The following GPSM3 variants were observed in gnomAD, a reference collection of about 807,000 sequenced individuals.
The protein encoded by GPSM3 is G protein-signaling modulator 3.
Under a neutral mutation model 20.4 loss-of-function variants are expected in GPSM3, and 16 were observed. The observed-to-expected ratio is 0.78, with a 90% confidence interval of 0.53 to 1.19. The LOEUF (loss-of-function observed/expected upper bound fraction) is 1.19, where lower values mean the gene tolerates loss of function less well. Among genes scored for constraint, GPSM3 ranks in the 50% most tolerant of loss-of-function variants. GPSM3 has a pLI of 0.00. For synonymous variants in GPSM3, 70 were observed against 79.6 expected (o/e 0.88, Z 0.64); for missense variants, 177 against 204.6 (o/e 0.86, Z 0.82).
upstream of GPSM3, chr6:32,195,287 G>T: frequency 1.4e-6 from 1 of 715,512 alleles, no homozygotes; most frequent in Non-Finnish European, 2.2e-6. This position sits in a 1 kb window ranked among gnomAD's most constrained non-coding sequence, Gnocchi z 5.4. Context: ...CGTGGAAGAT[G>T]TCTGCTCTGG....
chr6:32,192,359 G>A lies in GPSM3; in HGVS notation c.43-109C>T. On this transcript the variant is annotated intron_variant, in intron 1 of 3. Transcript: ENST00000375040. The surrounding 1 kb of genome is among the most constrained non-coding windows in gnomAD (Gnocchi z 5.1). ...TTCCTCTCTGTGTGTCTCTGTTCCT[G>A]CCTCAGTTTGCCCAAGCCTTTCAAG... 1 of 1,367,796 alleles carries A rather than the reference G, an allele frequency of 7.3e-7. No homozygotes were observed. The highest frequency in any genetic ancestry group is 1.0e-6 in the Non-Finnish European group (1 of 991,368). The allele number at this position is 1,367,796 out of a possible 1,614,324, so 84.7% of individuals were successfully genotyped here.
At position 32,191,921 on chromosome 6, in the gene GPSM3, G is replaced by A; in HGVS notation, c.146-13C>T. 1 of 1,609,858 alleles carries A rather than the reference G, an allele frequency of 6.2e-7. No homozygotes were observed. Among genetic ancestry groups the A allele is most frequent in the Non-Finnish European group, 8.5e-7 (1 of 1,178,628 alleles). ...CGGGGTCCCAGGGCTGGGGAGAGGG[G>A]TGTGGAGGGCTCAGAGACCCAGAGA... On this transcript the variant is annotated splice_polypyrimidine_tract_variant and intron_variant, in intron 2 of 3. Coordinates refer to ENST00000375040, the MANE Select transcript of GPSM3 (RefSeq NM_001276501.2). The surrounding 1 kb of genome is among the most constrained non-coding windows in gnomAD (Gnocchi z 5.9).
chr6:32,192,924 G>C, upstream of GPSM3: 1 of 184,968 alleles, frequency 5.4e-6, no homozygotes, highest in Non-Finnish European at 1.1e-5. The surrounding 1 kb of genome is among the most constrained non-coding windows in gnomAD (Gnocchi z 5.1). Flanking sequence ...ACAGGAACTA[G>C]CTACACAGGA....
Position 32,192,225 on chromosome 6 carries a change from C to T in GPSM3, c.68G>A (p.Trp23Ter). The change falls in exon 2 of 4, where the codon TGG becomes TAG. Residue 23 changes from tryptophan to a stop codon, truncating the protein, a stop_gained. Coordinates refer to ENST00000375040, the MANE Select transcript of GPSM3 (RefSeq NM_001276501.2). LOFTEE classifies it high-confidence loss of function. The surrounding 1 kb of genome is among the most constrained non-coding windows in gnomAD (Gnocchi z 5.1). ...CCGAGTGGTGGAGTTTGGAGGGGGC[C>T]AGCCTTCCTCATCCTGAGGGGGGCC... is the stretch of plus-strand genomic sequence containing the variant. ...EQGPPQDEEG[W>*]PPPNSTTRPW... The T allele has an allele frequency of 6.6e-7, 1 of 1,515,754 alleles. No individual in the cohort carries two copies. The highest frequency in any genetic ancestry group is 8.8e-7 in the Non-Finnish European group (1 of 1,132,868). 93.9% of individuals were successfully genotyped at this position (1,515,754 alleles called of 1,614,324 possible).
At chr6:32,195,180 C>T (rs148437659), upstream of GPSM3, 559 of 501,604 alleles carry the variant, frequency 1.1e-3, no homozygotes, top group Non-Finnish European at 1.7e-3. The surrounding 1 kb of genome is among the most constrained non-coding windows in gnomAD (Gnocchi z 5.4). Context: ...TTCCACTCCA[C>T]TCTGCCCTCC....
chr6:32,195,517 G>A (rs1282909054), upstream of GPSM3: 2 of 1,612,962 alleles, frequency 1.2e-6, no homozygotes, highest in Non-Finnish European at 1.7e-6. The surrounding 1 kb of genome is among the most constrained non-coding windows in gnomAD (Gnocchi z 5.4). Context: ...GGTGATCCCC[G>A]CTCCGGGGAC....
chr6:32,192,669 GCCCC>G, upstream of GPSM3: 1 of 480,010 alleles, frequency 2.1e-6, no homozygotes, highest in Non-Finnish European at 3.7e-6. This position sits in a 1 kb window ranked among gnomAD's most constrained non-coding sequence, Gnocchi z 5.1. Flanking sequence ...TTCCTGGTCA[GCCCC>G]CCCACGGGCC....
chr6:32,192,577 T>G lies in GPSM3; in HGVS notation c.-64A>C. ...GGATTTGGGAGGAGGGCTGGAACCT[T>G]GGGTTCCTGAGGGGAGTGGGGGCTG... On this transcript the variant is annotated 5_prime_UTR_variant, in exon 1 of 4. Coordinates refer to ENST00000375040, the MANE Select transcript of GPSM3 (RefSeq NM_001276501.2). The surrounding 1 kb of genome is among the most constrained non-coding windows in gnomAD (Gnocchi z 5.1). The G allele has an allele frequency of 2.9e-6, 3 of 1,027,958 alleles. No homozygotes were observed. Among genetic ancestry groups the G allele is most frequent in the Non-Finnish European group, 2.7e-6 (2 of 736,470 alleles). 63.7% of individuals were successfully genotyped at this position (1,027,958 alleles called of 1,614,324 possible).
chr6:32,193,327 C>T (rs923890321), upstream of GPSM3, among the ~76,000 whole-genome samples: 2 of 151,964 alleles, frequency 1.3e-5, no homozygotes, highest in Non-Finnish European at 2.9e-5. This position sits in a 1 kb window ranked among gnomAD's most constrained non-coding sequence, Gnocchi z 4.7. Flanking sequence ...TGGTGAAACC[C>T]CATCTTTACT....
Position 32,190,928 on chromosome 6 carries a change from T to C in GPSM3, c.*438A>G, listed in dbSNP as rs1338178807. 2 of 160,868 alleles carry C rather than the reference T, an allele frequency of 1.2e-5. No homozygotes were observed. Among genetic ancestry groups the C allele is most frequent in the African/African-American group, 2.4e-5 (1 of 41,694 alleles). 10.0% of individuals were successfully genotyped at this position (160,868 alleles called of 1,614,324 possible). On this transcript the variant is annotated 3_prime_UTR_variant, in exon 4 of 4. Transcript: ENST00000375040. ...AGTGGGACTGGGAGAATAGTCTTAA[T>C]CTCTCAGGTGCCCACCCACCTTCCC...
Position 32,192,377 on chromosome 6 carries a change from C to T in GPSM3, c.42+95G>A. ...TGTTCCTGCCTCAGTTTGCCCAAGC[C>T]TTTCAAGGCCCCTGTGTCCCTACAT... On this transcript the variant is annotated intron_variant, in intron 1 of 3. Transcript: ENST00000375040. The surrounding 1 kb of genome is among the most constrained non-coding windows in gnomAD (Gnocchi z 5.1). 1.4e-6 allele frequency: 2 copies of T among 1,444,594 alleles called. No individual in the cohort carries two copies. The highest frequency in any genetic ancestry group is 9.5e-7 in the Non-Finnish European group (1 of 1,056,110). The allele number at this position is 1,444,594 out of a possible 1,614,324, so 89.5% of individuals were successfully genotyped here. A position where few individuals can be genotyped will look rare whatever the true frequency, so the allele number is the denominator to read the frequency against.
rs149772913 is a variant in GPSM3, at chr6:32,191,381, G to C, written c.468C>G (p.Pro156=). 13 of 1,585,270 alleles carry C rather than the reference G, an allele frequency of 8.2e-6. No homozygotes were observed. The highest frequency in any genetic ancestry group is 1.1e-5 in the Non-Finnish European group (13 of 1,170,398). ...GGCTCAAGTCTCAGCAGGTGTGTGT[G>C]GGGGGCCGGGACCTTTGCTCCTCCA... ...GRMEEQRSRP[P]THTC The change falls in exon 4 of 4, where the codon CCC becomes CCG. Residue 156 remains proline, a synonymous_variant. Coordinates refer to ENST00000375040, the MANE Select transcript of GPSM3 (RefSeq NM_001276501.2). This position sits in a 1 kb window ranked among gnomAD's most constrained non-coding sequence, Gnocchi z 5.9.
upstream of GPSM3, chr6:32,194,375 T>C (rs1178804733): frequency 6.6e-6 from 1 of 152,170 alleles, no homozygotes; most frequent in East Asian, 1.9e-4. The surrounding 1 kb of genome is among the most constrained non-coding windows in gnomAD (Gnocchi z 4.5). Flanking sequence ...GACGGAGGGC[T>C]GGTTTCAGGA....
chr6:32,193,116 C>T (rs987064333), upstream of GPSM3: 2 of 152,776 alleles, frequency 1.3e-5, no homozygotes, highest in African/African-American at 4.8e-5. This position sits in a 1 kb window ranked among gnomAD's most constrained non-coding sequence, Gnocchi z 4.7. Context: ...CAAATATATA[C>T]ATAAAACCCT....
In GPSM3 at chr6:32,191,568, A is replaced by G; in HGVS notation, c.346-65T>C. ...CTGAGAGGAGGAGGTTCTTGAGAGGATCAAGGGTTGGTATGGGGAGGCATA... is the reference window on the plus strand; with the variant it reads ...CTGAGAGGAGGAGGTTCTTGAGAGGGTCAAGGGTTGGTATGGGGAGGCATA... On this transcript the variant is annotated intron_variant, in intron 3 of 3. Coordinates refer to ENST00000375040, the MANE Select transcript of GPSM3 (RefSeq NM_001276501.2). The surrounding 1 kb of genome is among the most constrained non-coding windows in gnomAD (Gnocchi z 5.9). 1.3e-6 allele frequency: 2 copies of G among 1,516,236 alleles called. No homozygotes were observed. Among genetic ancestry groups the G allele is most frequent in the South Asian group, 1.3e-5 (1 of 76,134 alleles). 93.9% of individuals were successfully genotyped at this position (1,516,236 alleles called of 1,614,324 possible).
At chr6:32,195,472 T>G, upstream of GPSM3, 1 of 1,611,200 alleles carries the variant, frequency 6.2e-7, no homozygotes, top group Non-Finnish European at 8.5e-7. The surrounding 1 kb of genome is among the most constrained non-coding windows in gnomAD (Gnocchi z 5.4). Flanking sequence ...TTTATGGGCA[T>G]TTCTTGGAGG....
chr6:32,191,985 T>C lies in GPSM3; in HGVS notation c.146-77A>G, dbSNP rs1582751478. The C allele has an allele frequency of 2.1e-6, 3 of 1,421,320 alleles. No homozygotes were observed. The East Asian group carries it at 6.9e-5, about 33-fold the overall frequency. 88.0% of individuals were successfully genotyped at this position (1,421,320 alleles called of 1,614,324 possible). A position where few individuals can be genotyped will look rare whatever the true frequency, so the allele number is the denominator to read the frequency against. ...GAGCCGTGGGGGAGTGTGGACAGGG[T>C]GACGTGATTAGGGACTTTGGATCAG... is the stretch of plus-strand genomic sequence containing the variant. On this transcript the variant is annotated intron_variant, in intron 2 of 3. Transcript: ENST00000375040. The surrounding 1 kb of genome is among the most constrained non-coding windows in gnomAD (Gnocchi z 5.9).
chr6:32,191,260 G>T lies in GPSM3; in HGVS notation c.*106C>A, dbSNP rs940316327. 12 of 1,303,620 alleles carry T rather than the reference G, an allele frequency of 9.2e-6. No homozygotes were observed. The highest frequency in any genetic ancestry group is 1.2e-5 in the Non-Finnish European group (11 of 955,038). The allele number at this position is 1,303,620 out of a possible 1,614,324, so 80.8% of individuals were successfully genotyped here. ...GGAGATGAATATTGAGATTTGTGCCGTGTCTTTCAGTCTCTGGTACCCCTG... is the reference window on the plus strand; with the variant it reads ...GGAGATGAATATTGAGATTTGTGCCTTGTCTTTCAGTCTCTGGTACCCCTG... On this transcript the variant is annotated 3_prime_UTR_variant, in exon 4 of 4. Transcript: ENST00000375040. This position sits in a 1 kb window ranked among gnomAD's most constrained non-coding sequence, Gnocchi z 5.9.
At chr6:32,195,151 G>A (rs1787770282), upstream of GPSM3, 1 of 453,544 alleles carries the variant, frequency 2.2e-6, no homozygotes, top group Admixed American at 3.9e-5. This position sits in a 1 kb window ranked among gnomAD's most constrained non-coding sequence, Gnocchi z 5.4. Context: ...TGCAATTCTT[G>A]GTTCCAACTT....
Sources: gnomAD v4.1 joint callset for allele counts (sites outside exome capture counted in the v4.1 genomes callset) on GRCh38, gnomAD v4.1.1 for gene constraint, Gnocchi (gnomAD v3.1) non-coding constraint, MANE v1.5 for transcripts, NCBI Gene and HGNC (gene_info 2026-07-23, HGNC 2026-07-21) for gene names.